PRKCE: variants seen among roughly 807,000 people sequenced by gnomAD.
The protein encoded by PRKCE is protein kinase C epsilon.
PRKCE carries 16 observed loss-of-function variants against 85.4 expected under a neutral mutation model. The observed-to-expected ratio is 0.19, with a 90% CI of 0.13 to 0.28. The LOEUF (loss-of-function observed/expected upper bound fraction) is 0.28, where lower values mean the gene tolerates loss of function less well. Ranked by LOEUF, PRKCE falls within the 10% of genes least tolerant of loss-of-function variation. The pLI is 1.00. For missense variants in PRKCE, 573 were observed against 975.2 expected, an observed-to-expected ratio of 0.59 and a Z score of 5.49; for synonymous variants, 388 against 371.5, an observed-to-expected ratio of 1.04 and a Z score of -0.51.
chr2:45,856,420 G>A (rs560919634), intron 2 of PRKCE, among the ~76,000 whole-genome samples: 30 of 152,128 alleles, frequency 2.0e-4, no homozygotes, highest in Admixed American at 1.5e-3. Context: ...TGGTAGAGAC[G>A]GATTTTCACC....
intron 1 of PRKCE, among the ~76,000 whole-genome samples, chr2:45,700,170 T>TG (rs1163149956): frequency 6.7e-6 from 1 of 148,720 alleles, no homozygotes; most frequent in Non-Finnish European, 1.5e-5. Context: ...TCTGAGGCCC[T>TG]GCCGGGAGCC....
At chr2:46,132,819 A>G (rs1195655125) in intron 11 of PRKCE, among the ~76,000 whole-genome samples, 2 of 152,246 alleles carry the variant, frequency 1.3e-5, no homozygotes, top group African/African-American at 4.8e-5. Flanking sequence ...TTTTAAGAAT[A>G]ATAAAATCTG....
chr2:45,770,618 C>G (rs956793007), intron 1 of PRKCE: 1 of 152,226 alleles, frequency 6.6e-6, no homozygotes, highest in African/African-American at 2.4e-5. Flanking sequence ...ATGATTTAGA[C>G]AAGAGACAGT....
chr2:45,980,187 C>T (rs1702771504), intron 4 of PRKCE, 109 bp from the exon 5 acceptor site: 2 of 943,808 alleles, frequency 2.1e-6, no homozygotes, highest in South Asian at 1.6e-5. Flanking sequence ...GGCTCAGTGG[C>T]AGAAGGGGCC....
Position 45,651,840 on chromosome 2 carries a change from G to C in PRKCE, c.-261G>C, listed in dbSNP as rs981424433. 2.5e-5 allele frequency: 9 copies of C among 366,954 alleles called. No homozygotes were observed. In the East Asian group the frequency reaches 2.5e-4, roughly 10 times the overall value. The allele number at this position is 366,954 out of a possible 1,614,324, so 22.7% of individuals were successfully genotyped here. On this transcript the variant is annotated 5_prime_UTR_variant, in exon 1 of 15. Coordinates refer to ENST00000306156, the MANE Select transcript of PRKCE (RefSeq NM_005400.3). ...CTTCTGGAGGTGCAGCTGGTGGTCG[G>C]GGGGAGAGACTTGCTCCAAACACGG...
intron 2 of PRKCE, among the ~76,000 whole-genome samples, chr2:45,971,512 G>C (rs1702109014): frequency 6.6e-6 from 1 of 152,200 alleles, no homozygotes. Flanking sequence ...CTTCATAAAA[G>C]TATCAAGTGG....
chr2:46,151,714 A>G (rs1334022382), intron 13 of PRKCE, among the ~76,000 whole-genome samples: 2 of 152,242 alleles, frequency 1.3e-5, no homozygotes, highest in African/African-American at 4.8e-5. Flanking sequence ...CTGTGGCTCA[A>G]GAGCCAATCA....
At chr2:46,134,107 A>T (rs1574559870) in intron 11 of PRKCE, among the ~76,000 whole-genome samples, 1 of 152,234 alleles carries the variant, frequency 6.6e-6, no homozygotes, top group Non-Finnish European at 1.5e-5. Flanking sequence ...TGTTTTACTC[A>T]TTCCATACAT....
At chr2:45,757,659 C>A (rs976637928) in intron 1 of PRKCE, among the ~76,000 whole-genome samples, 2 of 152,068 alleles carry the variant, frequency 1.3e-5, no homozygotes, top group African/African-American at 4.8e-5. Flanking sequence ...GAGCAAAATC[C>A]TGTCTCTATT....
chr2:45,953,368 G>A (rs1271127344), intron 2 of PRKCE, among the ~76,000 whole-genome samples: 1 of 152,302 alleles, frequency 6.6e-6, no homozygotes, highest in Non-Finnish European at 1.5e-5. Flanking sequence ...TCCATTACTG[G>A]ACTCCCTGCC....
At chr2:45,657,055 G>C (rs1033389541) in intron 1 of PRKCE, among the ~76,000 whole-genome samples, 1 of 152,244 alleles carries the variant, frequency 6.6e-6, no homozygotes, top group African/African-American at 2.4e-5. Context: ...GCTGCATGCA[G>C]GTGACAGCTA....
chr2:45,770,528 T>C (rs570330068), intron 1 of PRKCE, among the ~76,000 whole-genome samples: 23 of 152,340 alleles, frequency 1.5e-4, no homozygotes, highest in Non-Finnish European at 2.6e-4. Flanking sequence ...GTCTGAATGT[T>C]GGTTGAGCGT....
intron 2 of PRKCE, among the ~76,000 whole-genome samples, chr2:45,856,836 A>G (rs1348239350): frequency 6.6e-6 from 1 of 152,226 alleles, no homozygotes; most frequent in South Asian, 2.1e-4. Context: ...TATTTCACTT[A>G]ACATAATGTG....
At chr2:46,147,943 C>T (rs1037918197) in intron 12 of PRKCE, among the ~76,000 whole-genome samples, 7 of 152,234 alleles carry the variant, frequency 4.6e-5, no homozygotes, top group African/African-American at 1.7e-4. Flanking sequence ...CCTTCCCTAC[C>T]TACCTCATCA....
intron 1 of PRKCE, among the ~76,000 whole-genome samples, chr2:45,785,972 C>G (rs760064724): frequency 3.3e-5 from 5 of 152,090 alleles, no homozygotes; most frequent in Non-Finnish European, 5.9e-5. Context: ...TGCTGAGACC[C>G]AGAACCTTCC....
intron 1 of PRKCE, among the ~76,000 whole-genome samples, chr2:45,704,401 G>T (rs1209186613): frequency 6.6e-6 from 1 of 152,216 alleles, no homozygotes; most frequent in Admixed American, 6.5e-5. Context: ...GACAGAGAAA[G>T]GGGTGAACCT....
chr2:45,931,550 C>T (rs1023671809), intron 2 of PRKCE, among the ~76,000 whole-genome samples: 4 of 152,152 alleles, frequency 2.6e-5, no homozygotes, highest in Admixed American at 6.5e-5. Flanking sequence ...TTTGCTTCAC[C>T]GTTCCATTGG....
At chr2:45,692,703 G>A (rs1677828227) in intron 1 of PRKCE, among the ~76,000 whole-genome samples, 1 of 122,964 alleles carries the variant, frequency 8.1e-6, no homozygotes, top group Non-Finnish European at 1.8e-5. Flanking sequence ...AAGAGTCCAA[G>A]GGAGGACACA....
intron 11 of PRKCE, among the ~76,000 whole-genome samples, chr2:46,104,302 T>TTTTG (rs1221616864): frequency 6.6e-6 from 1 of 151,080 alleles, no homozygotes. Flanking sequence ...TGTACTTTTT[T>TTTTG]TTTTTTTTTT....
Sources: allele counts gnomAD v4.1 joint callset (sites outside exome capture counted in the v4.1 genomes callset), GRCh38; gene constraint gnomAD v4.1.1; transcripts MANE v1.5; gene names NCBI Gene and HGNC (gene_info 2026-07-23, HGNC 2026-07-21).